The following GAD2 variants were observed in gnomAD, a reference collection of about 807,000 sequenced individuals.
GAD2 encodes glutamate decarboxylase 2, also known as 65 kDa glutamic acid decarboxylase.
GAD2 carries 22 observed loss-of-function variants against 80.1 expected under a neutral mutation model. The observed-to-expected ratio is 0.27, with a 90% CI of 0.20 to 0.39. The LOEUF is 0.39. GAD2 is among the 10% of genes least tolerant of loss of function. The pLI, the probability that GAD2 is intolerant of heterozygous loss-of-function variation, is 1.00. For missense variants in GAD2, 624 were observed against 738.4 expected, an observed-to-expected ratio of 0.85 and a Z score of 1.80; for synonymous variants, 274 against 256.9, an observed-to-expected ratio of 1.07 and a Z score of -0.64.
intron 4 of GAD2, among the ~76,000 whole-genome samples, chr10:26,219,522 G>A (rs73594323): frequency 1.7e-3 from 252 of 152,162 alleles, no homozygotes; most frequent in African/African-American, 5.6e-3. Flanking sequence ...CAGATTTTAC[G>A]TTGCATGTAT....
chr10:26,295,816 CAG>C (rs1834268313), intron 15 of GAD2, among the ~76,000 whole-genome samples: 1 of 152,110 alleles, frequency 6.6e-6, no homozygotes, highest in Non-Finnish European at 1.5e-5. Flanking sequence ...TGGGGAAATG[CAG>C]AGTTTCCTGT....
In GAD2 at chr10:26,273,639, GC is replaced by G. The variant is rs1845164551; in HGVS notation, c.1097del (p.Ala366ValfsTer7). Reference protein sequence around the residue: ...KYKIWMHVDAAWGGGLLMSRK... With the variant: ...KYKIWMHVDAXWGGGLLMSRK... ...TCCTCATATGATTTTTTTTCAGGCA[GC>G]TTGGGGTGGGGGATTACTGATGTCC... is the stretch of plus-strand genomic sequence containing the variant. On this transcript the variant is annotated frameshift_variant, in exon 11 of 16. Transcript: ENST00000376261. LOFTEE classifies it high-confidence loss of function. The G allele has an allele frequency of 1.2e-6, 2 of 1,613,094 alleles. No individual in the cohort carries two copies. The highest frequency in any genetic ancestry group is 1.3e-5 in the African/African-American group (1 of 74,838).
In GAD2 at chr10:26,302,656, C is replaced by CA. The variant is rs994125898; in HGVS notation, c.*1697dup. On this transcript the variant is annotated 3_prime_UTR_variant, in exon 16 of 16. Transcript: ENST00000376261. ...CCCTTCAACGGGTAGAAATGCCCTA[C>CA]AATATAACATAGAGAAATGCCCTAT... 1 of 152,222 alleles carries CA rather than the reference C, an allele frequency of 6.6e-6. No individual in the cohort carries two copies. Among genetic ancestry groups the CA allele is most frequent in the Non-Finnish European group, 1.5e-5 (1 of 68,050 alleles). The allele number at this position is 152,222 out of a possible 1,614,324, so 9.4% of individuals were successfully genotyped here. A position where few individuals can be genotyped will look rare whatever the true frequency, so the allele number is the denominator to read the frequency against.
At position 26,300,951 on chromosome 10, in the gene GAD2, A is replaced by G. The variant is rs1374348922; in HGVS notation, c.1748A>G (p.Gln583Arg). The G allele has an allele frequency of 6.2e-7, 1 of 1,613,506 alleles. No homozygotes were observed. Among genetic ancestry groups the G allele is most frequent in the Non-Finnish European group, 8.5e-7 (1 of 1,179,624 alleles). ...ATTGAAGAAATAGAACGCCTTGGAC[A>G]AGATTTATAATAACCTTGCTCACCA... ...FLIEEIERLG[Q>R]DL The change falls in exon 16 of 16, where the codon CAA (glutamine) becomes CGA (arginine). Residue 583 changes from glutamine to arginine, a missense_variant. Gln to Arg is a conservative substitution (Grantham distance 43, BLOSUM62 1). Coordinates refer to ENST00000376261, the MANE Select transcript of GAD2 (RefSeq NM_001134366.2).
In GAD2 at chr10:26,284,564, C is replaced by CTTTT. The variant is rs35046451; in HGVS notation, c.1237-1761_1237-1758dup. 8.1e-3 allele frequency among the ~76,000 whole-genome samples: 758 copies of CTTTT among 93,072 alleles called. 31 individuals are homozygous for CTTTT. The highest frequency in any genetic ancestry group is 0.02 in the African/African-American group (519 of 25,434). 61.1% of individuals were successfully genotyped at this position (93,072 alleles called of 152,430 possible). On this transcript the variant is annotated intron_variant, in intron 12 of 15. Coordinates refer to ENST00000376261, the MANE Select transcript of GAD2 (RefSeq NM_001134366.2). ...CAGTAATGAGACTGCGGCTGTTCAG[C>CTTTT]TTTTTTTTTTTTTTTTTTTTTTTGA... is the stretch of plus-strand genomic sequence containing the variant.
At chr10:26,281,128 C>T in intron 12 of GAD2, 41 bp downstream of exon 12, 1 of 1,381,546 alleles carries the variant, frequency 7.2e-7, no homozygotes, top group Non-Finnish European at 1.0e-6. Context: ...CGTGCGTGGG[C>T]TTTGACTGTC....
chr10:26,244,891 C>T (rs1230244226), intron 7 of GAD2, among the ~76,000 whole-genome samples: 1 of 152,136 alleles, frequency 6.6e-6, no homozygotes. Flanking sequence ...GTGGCTCATG[C>T]CTGTAATCCC....
At chr10:26,258,812 AT>A (rs59176915) in intron 8 of GAD2, among the ~76,000 whole-genome samples, 5,334 of 144,844 alleles carry the variant, frequency 0.037, 275 homozygotes, top group African/African-American at 0.12. Context: ...GCTTCCACCA[AT>A]TTTTTTTTTT....
chr10:26,297,939 G>A (rs1439032019), intron 15 of GAD2, among the ~76,000 whole-genome samples: 4 of 152,088 alleles, frequency 2.6e-5, no homozygotes, highest in Non-Finnish European at 5.9e-5. Flanking sequence ...TGTTTACTTC[G>A]GGGCAGGGTT....
rs1303877138 is a variant in GAD2, at chr10:26,304,011, G to C, written c.*3050G>C. The C allele has an allele frequency of 6.6e-6, 1 of 151,968 alleles. No homozygotes were observed. Among genetic ancestry groups the C allele is most frequent in the African/African-American group, 2.4e-5 (1 of 41,328 alleles). 9.4% of individuals were successfully genotyped at this position (151,968 alleles called of 1,614,324 possible). ...CTCTCTCTCTCTTTCCTAACTATAT[G>C]CCCTCCACATCGGCTCTAATAGAGA... On this transcript the variant is annotated 3_prime_UTR_variant, in exon 16 of 16. Coordinates refer to ENST00000376261, the MANE Select transcript of GAD2 (RefSeq NM_001134366.2).
chr10:26,289,070 C>T (rs559505528), intron 13 of GAD2, among the ~76,000 whole-genome samples: 1 of 151,106 alleles, frequency 6.6e-6, no homozygotes, highest in Admixed American at 6.6e-5. Flanking sequence ...CAATCTAAAC[C>T]TTTGTGAGTT....
intron 8 of GAD2, among the ~76,000 whole-genome samples, chr10:26,261,768 C>T (rs1845011488): frequency 6.6e-6 from 1 of 152,086 alleles, no homozygotes; most frequent in Non-Finnish European, 1.5e-5. Flanking sequence ...TCTCTTCCCA[C>T]CCTCTTCTCT....
At chr10:26,238,771 A>G (rs889220286) in intron 7 of GAD2, among the ~76,000 whole-genome samples, 4 of 152,186 alleles carry the variant, frequency 2.6e-5, no homozygotes, top group Non-Finnish European at 5.9e-5. Context: ...TGTAAATCCA[A>G]TGCTTTAGCA....
chr10:26,275,781 TAGA>T (rs1377697081), intron 11 of GAD2, among the ~76,000 whole-genome samples: 1 of 152,192 alleles, frequency 6.6e-6, no homozygotes, highest in Admixed American at 6.5e-5. Flanking sequence ...ACCCTAAAAG[TAGA>T]AGAAATCCGT....
chr10:26,261,928 T>G (rs1291092986), intron 8 of GAD2, among the ~76,000 whole-genome samples: 2 of 152,216 alleles, frequency 1.3e-5, no homozygotes, highest in Non-Finnish European at 2.9e-5. Flanking sequence ...GATTTCCTAG[T>G]AGTACACACC....
At chr10:26,273,733 G>C (rs1429118358) in intron 11 of GAD2, 33 bp downstream of exon 11, 6 of 1,573,818 alleles carry the variant, frequency 3.8e-6, no homozygotes, top group Non-Finnish European at 5.2e-6. Context: ...ACAACATAAA[G>C]TGTTAAAAGC....
intron 7 of GAD2, among the ~76,000 whole-genome samples, chr10:26,245,051 G>T (rs1844787584): frequency 6.6e-6 from 1 of 151,744 alleles, no homozygotes; most frequent in Admixed American, 6.6e-5. Context: ...TACTTGGGAG[G>T]CTGAGGCAGG....
At chr10:26,233,446 G>A (rs1008973193) in intron 7 of GAD2, among the ~76,000 whole-genome samples, 6 of 152,062 alleles carry the variant, frequency 3.9e-5, no homozygotes, top group Non-Finnish European at 5.9e-5. Context: ...ATTTAAAGCC[G>A]TCCTGCATCT....
At chr10:26,237,324 TG>T (rs1844686372) in intron 7 of GAD2, among the ~76,000 whole-genome samples, 1 of 152,088 alleles carries the variant, frequency 6.6e-6, no homozygotes. Context: ...ATTGATGAAA[TG>T]GTGACAGGCC....
Sources: allele counts gnomAD v4.1 joint callset (sites outside exome capture counted in the v4.1 genomes callset), GRCh38; gene constraint gnomAD v4.1.1; transcripts MANE v1.5; gene names NCBI Gene and HGNC (gene_info 2026-07-23, HGNC 2026-07-21).